Variants in GRID1 observed in about 807,000 individuals in gnomAD.
GRID1 encodes glutamate ionotropic receptor delta type subunit 1, also known as glutamate receptor ionotropic, delta-1.
In GRID1, 28 loss-of-function variants were observed where a neutral mutation model predicts 98.0. That is an observed-to-expected ratio of 0.29 (90% CI 0.21 to 0.39). The LOEUF (loss-of-function observed/expected upper bound fraction) is 0.39. Ranked by LOEUF, GRID1 falls within the 10% of genes least tolerant of loss-of-function variation. GRID1 has a pLI of 1.00. For synonymous variants in GRID1, 553 were observed against 538.5 expected (o/e 1.03, Z -0.37); for missense variants, 1,111 against 1,340.5 (o/e 0.83, Z 2.67).
chr10:85,990,072 A>T (rs780155316), intron 4 of GRID1, among the ~76,000 whole-genome samples: 4 of 152,196 alleles, frequency 2.6e-5, no homozygotes, highest in Non-Finnish European at 5.9e-5. Context: ...AAACTGTGAG[A>T]ACTAAATTCC....
intron 3 of GRID1, among the ~76,000 whole-genome samples, chr10:86,188,734 A>G (rs1395466825): frequency 6.6e-6 from 1 of 152,162 alleles, no homozygotes; most frequent in African/African-American, 2.4e-5. Flanking sequence ...AGAATAACCA[A>G]AACAGAACCC....
chr10:86,224,835 G>C (rs969141829), intron 2 of GRID1, among the ~76,000 whole-genome samples: 6 of 152,086 alleles, frequency 3.9e-5, no homozygotes, highest in African/African-American at 1.4e-4. Flanking sequence ...CTTCCCCCAG[G>C]AAGCCCTTGA....
chr10:85,987,244 G>C (rs142062910), intron 4 of GRID1, among the ~76,000 whole-genome samples: 1 of 151,968 alleles, frequency 6.6e-6, no homozygotes, highest in Non-Finnish European at 1.5e-5. Context: ...AGGATCGACC[G>C]GCTGGTCCTC....
intron 8 of GRID1, among the ~76,000 whole-genome samples, chr10:85,747,744 A>G (rs554937521): frequency 3.3e-5 from 5 of 152,310 alleles, no homozygotes; most frequent in African/African-American, 1.2e-4. Context: ...AGAGATTTTG[A>G]AAGCATTTTC....
intron 8 of GRID1, among the ~76,000 whole-genome samples, chr10:85,811,458 G>T (rs903434058): frequency 6.6e-6 from 1 of 151,458 alleles, no homozygotes; most frequent in Non-Finnish European, 1.5e-5. Context: ...AATTAAATTA[G>T]GAAGCCAACT....
At chr10:86,177,253 A>G (rs1845588193) in intron 3 of GRID1, among the ~76,000 whole-genome samples, 1 of 152,146 alleles carries the variant, frequency 6.6e-6, no homozygotes, top group Non-Finnish European at 1.5e-5. Context: ...GGTTATTTAG[A>G]CCAATTACAG....
chr10:86,186,334 T>C (rs1176598236), intron 3 of GRID1, among the ~76,000 whole-genome samples: 1 of 152,202 alleles, frequency 6.6e-6, no homozygotes, highest in Non-Finnish European at 1.5e-5. Context: ...TGTTCAGAGG[T>C]TTATCAATTT....
intron 12 of GRID1, among the ~76,000 whole-genome samples, chr10:85,675,224 C>G (rs1049765652): frequency 6.6e-6 from 1 of 152,192 alleles, no homozygotes; most frequent in African/African-American, 2.4e-5. Flanking sequence ...GCTGCACACA[C>G]GTGAGCTATG....
intron 4 of GRID1, among the ~76,000 whole-genome samples, chr10:85,954,447 A>T (rs962195698): frequency 1.1e-4 from 16 of 152,232 alleles, no homozygotes; most frequent in African/African-American, 3.9e-4. Flanking sequence ...AGTCTACATG[A>T]AAGCCTAAGT....
chr10:85,944,929 T>G (rs1035775820), intron 4 of GRID1, among the ~76,000 whole-genome samples: 1 of 152,214 alleles, frequency 6.6e-6, no homozygotes, highest in Non-Finnish European at 1.5e-5. Flanking sequence ...ATTATAATAC[T>G]GACATGTTTT....
chr10:85,675,505 C>T (rs961095641), intron 12 of GRID1, among the ~76,000 whole-genome samples: 2 of 152,178 alleles, frequency 1.3e-5, no homozygotes, highest in African/African-American at 4.8e-5. Context: ...TTGGGGAATT[C>T]ATTGATTCAG....
At chr10:85,976,553 GTCTTAGAAAACCTGACCTA>G (rs1353521612) in intron 4 of GRID1, among the ~76,000 whole-genome samples, 3 of 152,200 alleles carry the variant, frequency 2.0e-5, no homozygotes, top group Non-Finnish European at 4.4e-5. Flanking sequence ...CTGCTTCCTT[GTCTTAGAAAACCTGACCTA>G]CCCATCTAGC....
chr10:85,846,745 T>A (rs1843010596), intron 8 of GRID1, among the ~76,000 whole-genome samples: 2 of 152,186 alleles, frequency 1.3e-5, no homozygotes, highest in African/African-American at 2.4e-5. Flanking sequence ...TTTTAAATTG[T>A]TTACAAGTAC....
intron 4 of GRID1, among the ~76,000 whole-genome samples, chr10:86,047,749 A>G (rs747925267): frequency 6.6e-6 from 1 of 151,502 alleles, no homozygotes; most frequent in Non-Finnish European, 1.5e-5. Flanking sequence ...TCTAGGGGGA[A>G]AAAAATGACT....
chr10:85,900,225 G>A (rs149976311), intron 5 of GRID1, among the ~76,000 whole-genome samples: 317 of 152,342 alleles, frequency 2.1e-3, no homozygotes, highest in African/African-American at 7.2e-3. Context: ...GCAGCCACGT[G>A]TGAATGTGTG....
intron 8 of GRID1, among the ~76,000 whole-genome samples, chr10:85,743,734 T>C (rs1841972198): frequency 6.6e-6 from 1 of 152,182 alleles, no homozygotes; most frequent in East Asian, 1.9e-4. Context: ...ACGAACCTAA[T>C]ATCTAGTGGC....
At chr10:86,139,052 G>C in intron 3 of GRID1, 28 bp from the exon 4 acceptor site, 1 of 1,539,522 alleles carries the variant, frequency 6.5e-7, no homozygotes, top group Non-Finnish European at 9.0e-7. Context: ...AGGAGGAAAA[G>C]AAAAATCATC....
chr10:85,742,988 C>T (rs1308287374), intron 8 of GRID1, among the ~76,000 whole-genome samples: 1 of 152,012 alleles, frequency 6.6e-6, no homozygotes, highest in Non-Finnish European at 1.5e-5. Flanking sequence ...GCATCCTTGA[C>T]CTCTGCCAAC....
chr10:86,161,842 A>G (rs1380299120), intron 3 of GRID1, among the ~76,000 whole-genome samples: 1 of 152,226 alleles, frequency 6.6e-6, no homozygotes, highest in Non-Finnish European at 1.5e-5. Context: ...CAACATCTCA[A>G]TCCACTCAGA....
Sources: gnomAD v4.1 joint callset for allele counts (sites outside exome capture counted in the v4.1 genomes callset) on GRCh38, gnomAD v4.1.1 for gene constraint, MANE v1.5 for transcripts, NCBI Gene and HGNC (gene_info 2026-07-23, HGNC 2026-07-21) for gene names.